Variants in CCDC141 observed in about 807,000 individuals in gnomAD.
CCDC141 encodes the protein coiled-coil domain containing 141.
CCDC141 carries 168 observed loss-of-function variants against 181.0 expected under a neutral mutation model. The ratio of observed to expected loss-of-function variants is 0.93; its 90% CI spans 0.82 to 1.05. The LOEUF (loss-of-function observed/expected upper bound fraction) is 1.05, where lower values mean the gene tolerates loss of function less well. Among genes scored for constraint, CCDC141 ranks in the 50% least tolerant of loss-of-function variants. The pLI is 0.00. For synonymous variants in CCDC141, 666 were observed against 642.3 expected (o/e 1.04, Z -0.56); for missense variants, 1,902 against 1,788.5 (o/e 1.06, Z -1.14).
intron 2 of CCDC141, chr2:179,002,645 C>T (rs759271035): frequency 2.3e-5 from 4 of 173,008 alleles, no homozygotes; most frequent in Non-Finnish European, 3.7e-5. Flanking sequence ...AAACAGTATA[C>T]TATAGAACAT....
chr2:178,864,056 G>A (rs944921060), intron 17 of CCDC141, among the ~76,000 whole-genome samples: 9 of 152,324 alleles, frequency 5.9e-5, no homozygotes, highest in Non-Finnish European at 4.4e-5. Context: ...AAATGTCACA[G>A]CTCTACAGGG....
intron 2 of CCDC141, among the ~76,000 whole-genome samples, chr2:178,989,341 C>T (rs1691914280): frequency 6.6e-6 from 1 of 152,018 alleles, no homozygotes; most frequent in Non-Finnish European, 1.5e-5. Context: ...TGCCTGTAAT[C>T]CCAGCTCTTT....
chr2:178,939,499 CT>C (rs1430167583), intron 6 of CCDC141, among the ~76,000 whole-genome samples: 2 of 151,978 alleles, frequency 1.3e-5, no homozygotes, highest in South Asian at 2.1e-4. Flanking sequence ...CACTTTCTAC[CT>C]TTTTTGGATA....
At chr2:179,015,496 G>T (rs1262918206) in intron 2 of CCDC141, among the ~76,000 whole-genome samples, 20 of 44,876 alleles carry the variant, frequency 4.5e-4, no homozygotes, top group East Asian at 7.4e-4. Flanking sequence ...TCATATATGT[G>T]CCATATATAT....
intron 4 of CCDC141, among the ~76,000 whole-genome samples, chr2:178,963,454 C>T (rs1172423630): frequency 6.6e-6 from 1 of 151,824 alleles, no homozygotes; most frequent in African/African-American, 2.4e-5. Flanking sequence ...CTATGGAGAA[C>T]ACTCAGAGAC....
At chr2:178,888,750 T>A in intron 8 of CCDC141, 82 bp from the exon 9 acceptor site, 1 of 1,454,478 alleles carries the variant, frequency 6.9e-7, no homozygotes. Context: ...GCTCTCATGT[T>A]AGGTAGGCGT....
chr2:178,990,713 T>C (rs1011918361), intron 2 of CCDC141, among the ~76,000 whole-genome samples: 2 of 151,946 alleles, frequency 1.3e-5, no homozygotes, highest in African/African-American at 2.4e-5. Context: ...AAAGGTCACA[T>C]AATGGATGAT....
intron 6 of CCDC141, 33 bp downstream of exon 6, chr2:178,944,501 CA>C (rs1374422130): frequency 9.7e-7 from 1 of 1,032,388 alleles, no homozygotes; most frequent in Non-Finnish European, 1.4e-6. Context: ...ATGCATTTTT[CA>C]ATTATTTTTA....
chr2:178,818,701 C>T, the CCDC141 span, among the ~76,000 whole-genome samples: 1 of 152,134 alleles, frequency 6.6e-6, no homozygotes, highest in Admixed American at 6.5e-5. Context: ...GGGTTGATTT[C>T]ATGTTTTTGC....
chr2:178,978,613 C>G lies in CCDC141; in HGVS notation c.288G>C (p.Lys96Asn). 1.3e-6 allele frequency: 2 copies of G among 1,549,706 alleles called. No homozygotes were observed. Among genetic ancestry groups the G allele is most frequent in the Non-Finnish European group, 1.7e-6 (2 of 1,146,598 alleles). Residue 96 changes from lysine to asparagine, a missense_variant, in exon 3 of 24, where the codon AAG becomes AAC. Transcript: ENST00000443758. The part of the protein sequence containing the change: ...QEADKTAEEN[K>N]DQSQVYDAMA... ...TGGCATCATAGACCTGACTCTGATCCTTGTTCTCTTCAGCTGTCTTGTCTG... is the reference window on the plus strand; with the variant it reads ...TGGCATCATAGACCTGACTCTGATCGTTGTTCTCTTCAGCTGTCTTGTCTG...
In CCDC141 at chr2:178,981,636, G is replaced by GTGTATATATATATA. The variant is rs1313433628; in HGVS notation, c.226-2962_226-2961insTATATATATATACA. Among the ~76,000 whole-genome samples the GTGTATATATATATA allele has an allele frequency of 4.6e-3, 284 of 62,364 alleles. 1 individual carries two copies. The highest frequency in any genetic ancestry group is 0.017 in the Middle Eastern group (2 of 118). 40.9% of individuals were successfully genotyped at this position (62,364 alleles called of 152,430 possible). Reference sequence around the variant, plus strand: ...TTTGTAGCATTGAATGTGTGTGTGTGTATATATATATATATATATATACAT... The same window carrying GTGTATATATATATA: ...TTTGTAGCATTGAATGTGTGTGTGTGTGTATATATATATATATATATATATATATATATATACAT... On this transcript the variant is annotated intron_variant, in intron 2 of 23. Coordinates refer to ENST00000443758, the MANE Select transcript of CCDC141 (RefSeq NM_173648.4).
chr2:179,022,315 A>C (rs1435813450), intron 2 of CCDC141, among the ~76,000 whole-genome samples: 5 of 152,226 alleles, frequency 3.3e-5, no homozygotes, highest in African/African-American at 7.2e-5. Context: ...CAAAAATAGC[A>C]ACAAAGAGAA....
intron 2 of CCDC141, among the ~76,000 whole-genome samples, chr2:178,999,818 A>G (rs1246637438): frequency 5.3e-5 from 8 of 151,860 alleles, no homozygotes. Flanking sequence ...TCGCAACACT[A>G]TTCAGAAGTT....
chr2:178,817,346 A>G, the CCDC141 span, among the ~76,000 whole-genome samples: 1 of 152,238 alleles, frequency 6.6e-6, no homozygotes, highest in Non-Finnish European at 1.5e-5. Flanking sequence ...TATGTGTTGT[A>G]TACCTGAGAA....
chr2:178,948,683 G>C (rs777098582), intron 5 of CCDC141, among the ~76,000 whole-genome samples: 6 of 152,126 alleles, frequency 3.9e-5, no homozygotes, highest in Non-Finnish European at 7.4e-5. Flanking sequence ...TCCCTTGGTG[G>C]GGGCTGTGGG....
the CCDC141 span, among the ~76,000 whole-genome samples, chr2:178,824,566 C>A: frequency 7.3e-6 from 1 of 136,058 alleles, no homozygotes; most frequent in African/African-American, 2.8e-5. Context: ...TTTCAGTGAG[C>A]CAAGATCACG....
intron 2 of CCDC141, among the ~76,000 whole-genome samples, chr2:178,994,610 G>A (rs899129864): frequency 3.3e-5 from 5 of 152,138 alleles, no homozygotes; most frequent in Non-Finnish European, 5.9e-5. Context: ...TTAGCTCCTC[G>A]TTACTTATGC....
At chr2:178,997,894 G>A (rs754408754) in intron 2 of CCDC141, among the ~76,000 whole-genome samples, 5 of 152,046 alleles carry the variant, frequency 3.3e-5, no homozygotes, top group African/African-American at 4.8e-5. Flanking sequence ...CCTTTAACCC[G>A]TCCCCCCTCA....
At chr2:178,926,572 A>G (rs1199331392) in intron 6 of CCDC141, 1 of 152,218 alleles carries the variant, frequency 6.6e-6, no homozygotes, top group Admixed American at 6.5e-5. Context: ...GCCCTGTGCA[A>G]TATTGGATAT....
Sources: gnomAD v4.1 joint callset for allele counts (sites outside exome capture counted in the v4.1 genomes callset) on GRCh38, gnomAD v4.1.1 for gene constraint, MANE v1.5 for transcripts, NCBI Gene and HGNC (gene_info 2026-07-23, HGNC 2026-07-21) for gene names.